Variants in SEPTIN2 observed in about 807,000 individuals in gnomAD.
SEPTIN2 encodes the protein septin 2, also known as septin-2.
A neutral mutation model predicts 46.5 loss-of-function variants in SEPTIN2; 34 were observed. The ratio of observed to expected loss-of-function variants is 0.73; its 90% CI spans 0.56 to 0.97. The LOEUF (loss-of-function observed/expected upper bound fraction) is 0.97. SEPTIN2 is among the 50% of genes least tolerant of loss of function. SEPTIN2 has a pLI of 0.00. For synonymous variants in SEPTIN2, 175 were observed against 153.4 expected (o/e 1.14, Z -1.04); for missense variants, 347 against 448.4 (o/e 0.77, Z 2.04).
intron 9 of SEPTIN2, among the ~76,000 whole-genome samples, chr2:241,344,690 G>A (rs545041815): frequency 1.4e-4 from 21 of 150,706 alleles, no homozygotes; most frequent in Non-Finnish European, 2.7e-4. Flanking sequence ...GCGACAGAGC[G>A]AGACTCTGTC....
intron 1 of SEPTIN2, among the ~76,000 whole-genome samples, chr2:241,317,828 G>T (rs2076596214): frequency 1.3e-5 from 2 of 152,150 alleles, no homozygotes; most frequent in Non-Finnish European, 2.9e-5. Flanking sequence ...GTGTATTGGG[G>T]TTATTCTGTG....
intron 3 of SEPTIN2, 42 bp downstream of exon 3, chr2:241,326,155 T>A (rs1355846386): frequency 6.4e-7 from 1 of 1,570,928 alleles, no homozygotes; most frequent in Non-Finnish European, 8.7e-7. Context: ...TAAATAAATA[T>A]CTCCCCTTTC....
At chr2:241,328,574 T>TA (rs1004608825) in intron 3 of SEPTIN2, among the ~76,000 whole-genome samples, 123 of 140,514 alleles carry the variant, frequency 8.8e-4, no homozygotes, top group East Asian at 1.9e-3. Context: ...CTGCCTTTAC[T>TA]AAAAAAAAAA....
chr2:241,336,147 T>C, intron 5 of SEPTIN2, 49 bp downstream of exon 5: 4 of 1,573,520 alleles, frequency 2.5e-6, no homozygotes, highest in Non-Finnish European at 3.5e-6. Context: ...TTAATATACT[T>C]CATAAATTTA....
chr2:241,316,506 T>C (rs2076280578), intron 1 of SEPTIN2: 5 of 1,514,366 alleles, frequency 3.3e-6, no homozygotes, highest in Non-Finnish European at 4.4e-6. Flanking sequence ...CTAGGCCCTG[T>C]CTGCGGGTAC....
chr2:241,346,937 C>T (rs561954728), intron 10 of SEPTIN2, among the ~76,000 whole-genome samples: 2 of 152,240 alleles, frequency 1.3e-5, no homozygotes, highest in Admixed American at 6.5e-5. Flanking sequence ...CAGCTTCGAT[C>T]CTCGCAAAGT....
At chr2:241,336,909 C>CA (rs1240918288) in intron 5 of SEPTIN2, 1 of 164,422 alleles carries the variant, frequency 6.1e-6, no homozygotes, top group East Asian at 1.9e-4. Flanking sequence ...GCCTGGCCAA[C>CA]ATGGTGAAAC....
At chr2:241,321,150 T>C (rs2077057153) in intron 1 of SEPTIN2, among the ~76,000 whole-genome samples, 1 of 152,240 alleles carries the variant, frequency 6.6e-6, no homozygotes, top group Admixed American at 6.5e-5. Flanking sequence ...AATTTCTCTA[T>C]GTCTGCTAAA....
chr2:241,316,843 C>A (rs1017352922), intron 1 of SEPTIN2: 2 of 289,606 alleles, frequency 6.9e-6, no homozygotes, highest in African/African-American at 4.4e-5. Context: ...AATCTGGCTA[C>A]TTCCCACCTT....
intron 1 of SEPTIN2, among the ~76,000 whole-genome samples, chr2:241,318,793 C>A (rs1463789378): frequency 6.6e-6 from 1 of 151,738 alleles, no homozygotes; most frequent in African/African-American, 2.4e-5. Context: ...CTCCACCTCC[C>A]GGGTTCAAGT....
chr2:241,322,801 A>G (rs1481570679), intron 1 of SEPTIN2, among the ~76,000 whole-genome samples: 1 of 152,094 alleles, frequency 6.6e-6, no homozygotes, highest in Non-Finnish European at 1.5e-5. Context: ...AACATGTTCA[A>G]GTTACAGTGC....
At chr2:241,346,386 A>C (rs1263266444) in intron 10 of SEPTIN2, 137 bp downstream of exon 10, 1 of 561,024 alleles carries the variant, frequency 1.8e-6, no homozygotes, top group East Asian at 3.1e-5. Flanking sequence ...ATTATAAAAG[A>C]GTTGTTAATT....
chr2:241,341,272 G>T (rs2081227591), intron 7 of SEPTIN2, among the ~76,000 whole-genome samples: 1 of 152,136 alleles, frequency 6.6e-6, no homozygotes, highest in Non-Finnish European at 1.5e-5. Flanking sequence ...ATGGACTCCT[G>T]TCCTTCCAGC....
At chr2:241,350,226 C>T in intron 12 of SEPTIN2, 23 bp downstream of exon 12, 1 of 1,387,704 alleles carries the variant, frequency 7.2e-7, no homozygotes, top group East Asian at 2.4e-5. Context: ...GTCCCTTAGC[C>T]TGGAAGACAG....
intron 2 of SEPTIN2, 29 bp from the exon 3 acceptor site, chr2:241,325,964 T>C: frequency 1.2e-6 from 2 of 1,601,984 alleles, no homozygotes; most frequent in Non-Finnish European, 8.5e-7. Context: ...AGGTGTTTAT[T>C]AGTTTGTTTG....
chr2:241,340,175 A>G (rs904624133), intron 7 of SEPTIN2, among the ~76,000 whole-genome samples: 3 of 152,194 alleles, frequency 2.0e-5, no homozygotes, highest in African/African-American at 7.2e-5. Context: ...TTATGTTGCC[A>G]GTTTTTGTAA....
intron 11 of SEPTIN2, among the ~76,000 whole-genome samples, chr2:241,349,188 C>G (rs888407959): frequency 6.6e-5 from 10 of 151,698 alleles, no homozygotes; most frequent in South Asian, 2.1e-4. Flanking sequence ...AGTGAGACCC[C>G]CCTCGTTCTC....
rs751027647 is a variant in SEPTIN2 at position 241,329,001 on chromosome 2, CAA to C, written c.130+2889_130+2890del. Among the ~76,000 whole-genome samples the C allele has an allele frequency of 4.6e-5, 7 of 152,076 alleles. No homozygotes were observed. In the East Asian group the frequency reaches 5.8e-4, roughly 13 times the overall value. ...CGCCATTGCACTCCAGCCTGGGCAACAAGAGTGAAACTCCATCTCTCACACAC... is the reference window on the plus strand; with the variant it reads ...CGCCATTGCACTCCAGCCTGGGCAACGAGTGAAACTCCATCTCTCACACAC... On this transcript the variant is annotated intron_variant, in intron 3 of 12. Transcript: ENST00000391971.
chr2:241,318,685 C>A (rs959609693), intron 1 of SEPTIN2, among the ~76,000 whole-genome samples: 6 of 151,004 alleles, frequency 4.0e-5, no homozygotes, highest in African/African-American at 1.2e-4. Flanking sequence ...TTTTTTTAAC[C>A]AGAGTATTTG....
Sources: gnomAD v4.1 joint callset for allele counts (sites outside exome capture counted in the v4.1 genomes callset) on GRCh38, gnomAD v4.1.1 for gene constraint, MANE v1.5 for transcripts, NCBI Gene and HGNC (gene_info 2026-07-23, HGNC 2026-07-21) for gene names.